DNAL1: variants seen among roughly 807,000 people sequenced by gnomAD.
The protein encoded by DNAL1 is dynein axonemal light chain 1, also known as chromosome 14 open reading frame 168.
Under a neutral mutation model 29.4 loss-of-function variants are expected in DNAL1, and 17 were observed. The observed-to-expected ratio is 0.58, with a 90% CI of 0.40 to 0.87. The LOEUF is 0.87. Ranked by LOEUF, DNAL1 falls within the 40% of genes least tolerant of loss-of-function variation. The probability of loss-of-function intolerance (pLI) is 0.00; values close to 1 mark genes in which losing one functional copy is unlikely to be tolerated. For missense variants in DNAL1, 188 were observed against 214.1 expected (o/e 0.88, Z 0.76); for synonymous variants, 78 against 76.3 (o/e 1.02, Z -0.12).
chr14:73,651,255 T>C (rs1328350853), intron 1 of DNAL1: 2 of 152,260 alleles, frequency 1.3e-5, no homozygotes, highest in African/African-American at 4.8e-5. Flanking sequence ...GTGCTGGGAT[T>C]GCAGGCATGA....
chr14:73,677,919 G>GTGTGTGT (rs1555402403), intron 5 of DNAL1, among the ~76,000 whole-genome samples: 1 of 76,650 alleles, frequency 1.3e-5, no homozygotes, highest in South Asian at 4.0e-4. Context: ...TGTGTGTGAT[G>GTGTGTGT]GTGGTCTGAC....
intron 5 of DNAL1, among the ~76,000 whole-genome samples, chr14:73,680,663 T>A (rs938298741): frequency 6.7e-6 from 1 of 149,812 alleles, no homozygotes. Context: ...ATTAAAAATC[T>A]TCTCTTCTAG....
chr14:73,682,337 A>ATTTTTTTTTTTT (rs57403758), intron 5 of DNAL1, among the ~76,000 whole-genome samples: 17 of 93,406 alleles, frequency 1.8e-4, no homozygotes, highest in South Asian at 3.9e-4. Flanking sequence ...TGCCTGGCTA[A>ATTTTTTTTTTTT]TTTTTTTTTT....
intron 5 of DNAL1, among the ~76,000 whole-genome samples, chr14:73,683,398 G>A (rs1392661970): frequency 6.6e-6 from 1 of 152,072 alleles, no homozygotes; most frequent in Non-Finnish European, 1.5e-5. Flanking sequence ...TGACTGCTGG[G>A]ATATCACTAG....
chr14:73,683,626 C>T (rs1352239616), intron 5 of DNAL1, among the ~76,000 whole-genome samples: 1 of 151,888 alleles, frequency 6.6e-6, no homozygotes, highest in Non-Finnish European at 1.5e-5. Flanking sequence ...GCCCCCCACC[C>T]CCCTCTCCAG....
At chr14:73,651,671 T>C (rs1428040263) in intron 1 of DNAL1, among the ~76,000 whole-genome samples, 1 of 152,216 alleles carries the variant, frequency 6.6e-6, no homozygotes. Context: ...ATTTTTTATT[T>C]TGGAGACAAG....
At chr14:73,671,311 A>T (rs1016031873) in intron 4 of DNAL1, among the ~76,000 whole-genome samples, 1 of 152,122 alleles carries the variant, frequency 6.6e-6, no homozygotes, top group Admixed American at 6.6e-5. Context: ...ATAGCTAACC[A>T]TTTTTAAATT....
intron 7 of DNAL1, among the ~76,000 whole-genome samples, chr14:73,695,137 C>T (rs1256597387): frequency 7.1e-6 from 1 of 140,236 alleles, no homozygotes; most frequent in Non-Finnish European, 1.5e-5. Flanking sequence ...CTCACCATAG[C>T]CTGGACATCC....
intron 1 of DNAL1, among the ~76,000 whole-genome samples, chr14:73,646,659 G>A (rs949309109): frequency 2.6e-5 from 4 of 152,182 alleles, no homozygotes; most frequent in African/African-American, 9.7e-5. Context: ...CTACTCAGGA[G>A]GCTGAGGCAT....
At chr14:73,690,414 A>T (rs1006631444) in intron 7 of DNAL1, among the ~76,000 whole-genome samples, 25 of 151,952 alleles carry the variant, frequency 1.6e-4, no homozygotes, top group Non-Finnish European at 1.2e-4. Flanking sequence ...GCACTTGGGG[A>T]GGCCAAGGCG....
At chr14:73,677,919 G>GT (rs1555402403) in intron 5 of DNAL1, among the ~76,000 whole-genome samples, 16 of 76,660 alleles carry the variant, frequency 2.1e-4, no homozygotes, top group East Asian at 5.7e-4. Flanking sequence ...TGTGTGTGAT[G>GT]GTGGTCTGAC....
chr14:73,654,861 A>G lies in DNAL1; in HGVS notation c.18A>G (p.Thr6=). 6.5e-7 allele frequency: 1 copy of G among 1,532,762 alleles called. No homozygotes were observed. The highest frequency in any genetic ancestry group is 8.8e-7 in the Non-Finnish European group (1 of 1,142,316). The allele number at this position is 1,532,762 out of a possible 1,614,324, so 94.9% of individuals were successfully genotyped here. ...TTTTTTTAAAGGCGAAAGCAACAAC[A>G]ATCAAAGAAGCCTTAGCGAGATGGG... MAKAT[T]IKEALARWEE... is the part of the protein sequence containing the mutation. Residue 6 remains threonine (T), a synonymous_variant, in exon 2 of 8, where the codon ACA becomes ACG. Coordinates refer to ENST00000553645, the MANE Select transcript of DNAL1 (RefSeq NM_031427.4).
intron 3 of DNAL1, 136 bp from the exon 4 acceptor site, chr14:73,661,850 AT>A (rs1286457029): frequency 1.2e-5 from 7 of 574,598 alleles, no homozygotes; most frequent in African/African-American, 1.9e-5. Flanking sequence ...TGATTTCAAA[AT>A]GAAGTAATAA....
In DNAL1 at chr14:73,687,264, A is replaced by T; in HGVS notation, c.270A>T (p.Ala90=). The T allele has an allele frequency of 6.2e-7, 1 of 1,612,104 alleles. No individual in the cohort carries two copies. Among genetic ancestry groups the T allele is most frequent in the African/African-American group, 1.3e-5 (1 of 74,980 alleles). The change falls in exon 6 of 8, where the codon GCA becomes GCT. Residue 90 remains alanine, a synonymous_variant. Coordinates refer to ENST00000553645, the MANE Select transcript of DNAL1 (RefSeq NM_031427.4). ...CAAATTTTGTTCTTTTTCAGGAGGC[A>T]GTAGGGGACACATTAGAAGAACTGT... ...NNIKNLNGLE[A]VGDTLEELWI...
chr14:73,689,897 G>C (rs1316579348), intron 7 of DNAL1, among the ~76,000 whole-genome samples: 1 of 151,906 alleles, frequency 6.6e-6, no homozygotes, highest in Admixed American at 6.6e-5. Context: ...TTAGCCAGGC[G>C]TGGTGGCGGG....
At position 73,699,571 on chromosome 14, in the gene DNAL1, TG is replaced by T. The variant is rs1244006724; in HGVS notation, c.*3632del. The T allele has an allele frequency of 2.0e-5, 3 of 152,322 alleles. No individual in the cohort carries two copies. The East Asian group carries it at 5.8e-4, about 29-fold the overall frequency. 9.4% of individuals were successfully genotyped at this position (152,322 alleles called of 1,614,324 possible). A position where few individuals can be genotyped will look rare whatever the true frequency, so the allele number is the denominator to read the frequency against. The stretch of plus-strand genomic sequence containing the variant: ...CGCCTGCCTCAGCCTCCCAAAGTGC[TG>T]GGATTACAGACGTGAGCCACTGCGA... On this transcript the variant is annotated 3_prime_UTR_variant, in exon 8 of 8. Transcript: ENST00000553645.
At chr14:73,674,875 A>T (rs1489564283) in intron 5 of DNAL1, among the ~76,000 whole-genome samples, 1 of 151,786 alleles carries the variant, frequency 6.6e-6, no homozygotes. Flanking sequence ...TTTTTGAGCC[A>T]GGGTCTCACT....
chr14:73,669,238 C>T (rs1314129205), intron 4 of DNAL1, among the ~76,000 whole-genome samples: 3 of 152,174 alleles, frequency 2.0e-5, no homozygotes, highest in Admixed American at 6.5e-5. Flanking sequence ...CTGCCTCAGC[C>T]TCCCTGAGTA....
At chr14:73,657,392 G>C (rs969907105) in intron 2 of DNAL1, among the ~76,000 whole-genome samples, 1 of 152,090 alleles carries the variant, frequency 6.6e-6, no homozygotes, top group African/African-American at 2.4e-5. Context: ...TGTTGCTCAG[G>C]CTGGTTTCCA....
Sources: gnomAD v4.1 joint callset for allele counts (sites outside exome capture counted in the v4.1 genomes callset) on GRCh38, gnomAD v4.1.1 for gene constraint, MANE v1.5 for transcripts, NCBI Gene and HGNC (gene_info 2026-07-23, HGNC 2026-07-21) for gene names.